The following TBL1X variants were observed in gnomAD, a reference collection of about 807,000 sequenced individuals.
TBL1X encodes the protein F-box-like/WD repeat-containing protein TBL1X.
A neutral mutation model predicts 50.7 loss-of-function variants in TBL1X; 10 were observed. The ratio of observed to expected loss-of-function variants is 0.20; its 90% CI spans 0.12 to 0.33. TBL1X has a LOEUF of 0.33. Ranked by LOEUF, TBL1X falls within the 10% of genes least tolerant of loss-of-function variation. TBL1X has a pLI of 1.00. For missense variants in TBL1X, 340 were observed against 504.4 expected, an observed-to-expected ratio of 0.67 and a Z score of 3.12; for synonymous variants, 190 against 214.7, an observed-to-expected ratio of 0.88 and a Z score of 1.01.
intron 2 of TBL1X, among the ~76,000 whole-genome samples, chrX:9,540,607 G>A (rs1271602230): frequency 8.9e-6 from 1 of 112,733 alleles, no homozygotes; most frequent in East Asian, 2.8e-4. Flanking sequence ...GCAATTGTTG[G>A]TCTTTCCTTC....
chrX:9,703,578 C>T (rs1412362211), intron 12 of TBL1X, among the ~76,000 whole-genome samples: 2 of 111,649 alleles, frequency 1.8e-5, no homozygotes, highest in African/African-American at 3.3e-5. Context: ...CAGCCGCAGA[C>T]CCACTCTCTG....
At chrX:9,533,337 A>G (rs749933622) in intron 2 of TBL1X, among the ~76,000 whole-genome samples, 4 of 111,379 alleles carry the variant, frequency 3.6e-5, no homozygotes, top group East Asian at 2.8e-4. Flanking sequence ...CTCCAATTTC[A>G]TCATACATTC....
chrX:9,556,559 T>G (rs1313969225), intron 2 of TBL1X, among the ~76,000 whole-genome samples: 1 of 107,497 alleles, frequency 9.3e-6, no homozygotes, highest in African/African-American at 3.4e-5. Context: ...GAGGCTGAGG[T>G]GGGAGGATCA....
intron 17 of TBL1X, 81 bp downstream of exon 17, chrX:9,715,084 C>T (rs2083270433): frequency 1.0e-6 from 1 of 953,516 alleles, no homozygotes; most frequent in Admixed American, 2.6e-5. Context: ...GCGTGTGCAG[C>T]ATTCGTGTCC....
intron 1 of TBL1X, among the ~76,000 whole-genome samples, chrX:9,499,581 C>T (rs2081989665): frequency 8.9e-6 from 1 of 112,534 alleles, no homozygotes; most frequent in South Asian, 3.7e-4. Context: ...GTTTCAGCCA[C>T]AAGCTGGCCA....
intron 2 of TBL1X, among the ~76,000 whole-genome samples, chrX:9,608,505 C>G (rs1420734693): frequency 9.0e-6 from 1 of 111,387 alleles, no homozygotes; most frequent in Non-Finnish European, 1.9e-5. Context: ...TCAGCTTCCC[C>G]CATTCCGGAT....
chrX:9,667,003 G>T (rs2082934288), intron 5 of TBL1X, among the ~76,000 whole-genome samples: 1 of 112,247 alleles, frequency 8.9e-6, no homozygotes, highest in Non-Finnish European at 1.9e-5. Flanking sequence ...ACCTAAAAGA[G>T]CGATAAGACA....
At chrX:9,698,229 AAC>A (rs2083144852) in intron 12 of TBL1X, among the ~76,000 whole-genome samples, 1 of 111,321 alleles carries the variant, frequency 9.0e-6, no homozygotes, top group Non-Finnish European at 1.9e-5. Context: ...AGAGCTCTGA[AAC>A]ACAGCAGTGA....
intron 6 of TBL1X, among the ~76,000 whole-genome samples, chrX:9,686,765 G>T (rs934351443): frequency 8.9e-6 from 1 of 111,990 alleles, no homozygotes. Flanking sequence ...ACTTTGGACA[G>T]TTACCGCGTT....
At chrX:9,513,771 T>A (rs1379971949) in intron 2 of TBL1X, among the ~76,000 whole-genome samples, 5 of 109,641 alleles carry the variant, frequency 4.6e-5, no homozygotes, top group African/African-American at 1.3e-4. Flanking sequence ...CTGGGTAATT[T>A]AGAGGTTTAT....
In TBL1X at chrX:9,673,260, T is replaced by C. The variant is rs759879383; in HGVS notation, c.212-10783T>C. The stretch of plus-strand genomic sequence containing the variant: ...CATGTTATCTTTCCTACTGCCTCCT[T>C]GTCTTCAGTTCCCTCCCCACCACCT... On this transcript the variant is annotated intron_variant, in intron 5 of 17. Transcript: ENST00000645353. Among the ~76,000 whole-genome samples the C allele has an allele frequency of 4.4e-5, 5 of 112,618 alleles. No homozygotes were observed. The East Asian group carries it at 1.4e-3, about 31-fold the overall frequency.
chrX:9,684,269 T>C (rs2083043120), intron 6 of TBL1X, 81 bp downstream of exon 6: 1 of 1,134,325 alleles, frequency 8.8e-7, no homozygotes, highest in Non-Finnish European at 1.2e-6. Flanking sequence ...GAAGCTAACA[T>C]GCATTTCCCT....
chrX:9,478,901 A>G (rs2081864061), intron 1 of TBL1X, among the ~76,000 whole-genome samples: 1 of 112,760 alleles, frequency 8.9e-6, no homozygotes, highest in African/African-American at 3.2e-5. Flanking sequence ...GATTGCACAT[A>G]GGAAGTTCCC....
intron 3 of TBL1X, among the ~76,000 whole-genome samples, chrX:9,643,586 C>G (rs1470545304): frequency 9.0e-6 from 1 of 111,542 alleles, no homozygotes; most frequent in Admixed American, 9.5e-5. Context: ...CACGGTGGCT[C>G]ACACTTTGTA....
At chrX:9,666,324 A>G (rs1469770977) in intron 5 of TBL1X, among the ~76,000 whole-genome samples, 1 of 111,396 alleles carries the variant, frequency 9.0e-6, no homozygotes, top group Non-Finnish European at 1.9e-5. Flanking sequence ...AAAAAATCAT[A>G]TAACTACCGG....
chrX:9,666,141 G>A (rs750090731), intron 5 of TBL1X, among the ~76,000 whole-genome samples: 1 of 111,523 alleles, frequency 9.0e-6, no homozygotes, highest in African/African-American at 3.3e-5. Flanking sequence ...CTCTTTTTGG[G>A]GATCCAAGAT....
intron 2 of TBL1X, among the ~76,000 whole-genome samples, chrX:9,521,768 G>T (rs759680678): frequency 3.2e-4 from 36 of 111,345 alleles, no homozygotes; most frequent in South Asian, 1.9e-3. Context: ...AAAAATCCGT[G>T]TTGTTCAAGG....
chrX:9,713,053 CT>C (rs2083257511), intron 16 of TBL1X, among the ~76,000 whole-genome samples: 1 of 111,250 alleles, frequency 9.0e-6, no homozygotes, highest in South Asian at 3.8e-4. Context: ...TTCATTCCCC[CT>C]GTGGACTCAA....
intron 13 of TBL1X, 109 bp from the exon 14 acceptor site, chrX:9,709,139 C>A: frequency 1.3e-6 from 1 of 751,244 alleles, no homozygotes; most frequent in Non-Finnish European, 2.0e-6. Flanking sequence ...CAGGCTGAAG[C>A]CGAAGACCTT....
Sources: gnomAD v4.1 joint callset for allele counts (sites outside exome capture counted in the v4.1 genomes callset) on GRCh38, gnomAD v4.1.1 for gene constraint, MANE v1.5 for transcripts, NCBI Gene and HGNC (gene_info 2026-07-23, HGNC 2026-07-21) for gene names.